Variants in FAM163A observed in about 807,000 individuals in gnomAD.
The protein encoded by FAM163A is family with sequence similarity 163 member A.
Under a neutral mutation model 12.0 loss-of-function variants are expected in FAM163A, and 7 were observed. The ratio of observed to expected loss-of-function variants is 0.58; its 90% CI spans 0.33 to 1.10. FAM163A has a LOEUF of 1.10. Ranked by LOEUF, FAM163A falls within the 50% of genes least tolerant of loss-of-function variation. The pLI is 0.03. For missense variants in FAM163A, 202 were observed against 218.6 expected (o/e 0.92, Z 0.48); for synonymous variants, 101 against 91.0 (o/e 1.11, Z -0.62).
intron 1 of FAM163A, among the ~76,000 whole-genome samples, chr1:179,745,112 A>T (rs2487740): frequency 1.4e-4 from 22 of 151,974 alleles, no homozygotes; most frequent in African/African-American, 5.3e-4. Context: ...TGCCTAAGAG[A>T]ATCTAAACCA....
intron 1 of FAM163A, among the ~76,000 whole-genome samples, chr1:179,803,625 A>T (rs1259621970): frequency 6.6e-6 from 1 of 151,662 alleles, no homozygotes; most frequent in Non-Finnish European, 1.5e-5. Context: ...CTGGAGTGCA[A>T]TGGCGCCATC....
chr1:179,747,182 G>A (rs1035266763), intron 1 of FAM163A, among the ~76,000 whole-genome samples: 13 of 150,128 alleles, frequency 8.7e-5, no homozygotes. Flanking sequence ...AAAAAAAAAA[G>A]GTTTGACATT....
chr1:179,783,908 T>TGGGA (rs1690218113), intron 1 of FAM163A, among the ~76,000 whole-genome samples: 1 of 151,490 alleles, frequency 6.6e-6, no homozygotes, highest in Admixed American at 6.6e-5. Context: ...TATTTCCTGA[T>TGGGA]GGGATACACT....
chr1:179,785,400 A>G (rs1690458175), intron 1 of FAM163A, among the ~76,000 whole-genome samples: 1 of 152,178 alleles, frequency 6.6e-6, no homozygotes, highest in Non-Finnish European at 1.5e-5. Context: ...CTTTGATAAA[A>G]TGAGAGAACA....
At chr1:179,797,034 G>A (rs1692423802) in intron 1 of FAM163A, among the ~76,000 whole-genome samples, 1 of 152,238 alleles carries the variant, frequency 6.6e-6, no homozygotes, top group Non-Finnish European at 1.5e-5. Context: ...AGAAGCTGCA[G>A]TTTAGAATCA....
chr1:179,815,208 G>T lies in FAM163A; in HGVS notation c.*1019G>T, dbSNP rs1451119689. ...CATTCAGGAGCTGCAGAGAGGAAAG[G>T]TCTCCCATGTACCAGAGAAGGAAAA... On this transcript the variant is annotated 3_prime_UTR_variant, in exon 5 of 5. Coordinates refer to ENST00000341785, the MANE Select transcript of FAM163A (RefSeq NM_173509.3). 6.6e-6 allele frequency: 1 copy of T among 152,656 alleles called. No individual in the cohort carries two copies. Among genetic ancestry groups the T allele is most frequent in the Non-Finnish European group, 1.5e-5 (1 of 68,644 alleles). The allele number at this position is 152,656 out of a possible 1,614,324, so 9.5% of individuals were successfully genotyped here. A position where few individuals can be genotyped will look rare whatever the true frequency, so the allele number is the denominator to read the frequency against.
chr1:179,786,203 A>C (rs1690599566), intron 1 of FAM163A, among the ~76,000 whole-genome samples: 1 of 152,224 alleles, frequency 6.6e-6, no homozygotes, highest in Admixed American at 6.5e-5. Flanking sequence ...ACACATCACA[A>C]AAGGCTCCCA....
chr1:179,792,879 A>AATATAT (rs59009302), intron 1 of FAM163A, among the ~76,000 whole-genome samples: 1 of 149,008 alleles, frequency 6.7e-6, no homozygotes, highest in East Asian at 1.9e-4. Context: ...CAGATAATAA[A>AATATAT]ATATATATAT....
chr1:179,769,573 G>A (rs1349605454), intron 1 of FAM163A, among the ~76,000 whole-genome samples: 1 of 152,190 alleles, frequency 6.6e-6, no homozygotes, highest in African/African-American at 2.4e-5. Context: ...TCAATTGTAA[G>A]CTCTGGAAAA....
At chr1:179,748,017 A>G (rs1684744705) in intron 1 of FAM163A, among the ~76,000 whole-genome samples, 2 of 151,982 alleles carry the variant, frequency 1.3e-5, no homozygotes, top group African/African-American at 4.8e-5. Flanking sequence ...TTTGGTCCAG[A>G]CACCAGTGGT....
At chr1:179,799,471 G>A (rs148565003) in intron 1 of FAM163A, among the ~76,000 whole-genome samples, 5 of 152,326 alleles carry the variant, frequency 3.3e-5, no homozygotes, top group African/African-American at 7.2e-5. Context: ...GGCACGTTCC[G>A]TGCATAGCAA....
intron 1 of FAM163A, among the ~76,000 whole-genome samples, chr1:179,743,869 C>A (rs933616453): frequency 6.6e-6 from 1 of 152,122 alleles, no homozygotes; most frequent in African/African-American, 2.4e-5. Flanking sequence ...ACGCGGACGC[C>A]GCTGCTGCTG....
chr1:179,762,878 T>C (rs547948678), intron 1 of FAM163A, among the ~76,000 whole-genome samples: 1 of 152,170 alleles, frequency 6.6e-6, no homozygotes, highest in South Asian at 2.1e-4. Flanking sequence ...GTTCCCAGGG[T>C]AGGGGAGGAA....
At chr1:179,771,353 A>T (rs935574376) in intron 1 of FAM163A, among the ~76,000 whole-genome samples, 1 of 151,982 alleles carries the variant, frequency 6.6e-6, no homozygotes, top group Non-Finnish European at 1.5e-5. Context: ...CATCAGCTTT[A>T]CCTGTCTGAC....
chr1:179,732,345 G>A, the FAM163A span, among the ~76,000 whole-genome samples: 1 of 152,184 alleles, frequency 6.6e-6, no homozygotes, highest in East Asian at 1.9e-4. Flanking sequence ...ATATGGAAAC[G>A]TAGATGCGCT....
chr1:179,796,309 TACAACTC>T, intron 1 of FAM163A, among the ~76,000 whole-genome samples: 1 of 152,166 alleles, frequency 6.6e-6, no homozygotes, highest in South Asian at 2.1e-4. Flanking sequence ...CATTTATAAT[TACAACTC>T]ACAAAAGAAA....
rs559474608 is a variant in FAM163A at position 179,811,461 on chromosome 1, G to A, written c.-44-649G>A. Among the ~76,000 whole-genome samples the A allele has an allele frequency of 5.9e-5, 9 of 152,284 alleles. No individual in the cohort carries two copies. In the South Asian group the frequency reaches 1.5e-3, roughly 25 times the overall value. On this transcript the variant is annotated intron_variant, in intron 2 of 4. Coordinates refer to ENST00000341785, the MANE Select transcript of FAM163A (RefSeq NM_173509.3). ...TCCCATGGGCTTGTCAAACTCTAAT[G>A]TGCAACCTACTCAATTGGGACCTTG...
At chr1:179,809,278 T>G (rs1309744800) in intron 2 of FAM163A, among the ~76,000 whole-genome samples, 1 of 152,092 alleles carries the variant, frequency 6.6e-6, no homozygotes, top group Non-Finnish European at 1.5e-5. Flanking sequence ...TGGGGTCTTT[T>G]CTAGTTCACA....
At chr1:179,807,365 G>T (rs77661410) in intron 1 of FAM163A, among the ~76,000 whole-genome samples, 1 of 152,122 alleles carries the variant, frequency 6.6e-6, no homozygotes, top group Non-Finnish European at 1.5e-5. Context: ...CCGGGAAACC[G>T]TGGGAAAGGG....
Sources: gnomAD v4.1 joint callset for allele counts (sites outside exome capture counted in the v4.1 genomes callset) on GRCh38, gnomAD v4.1.1 for gene constraint, MANE v1.5 for transcripts, NCBI Gene and HGNC (gene_info 2026-07-23, HGNC 2026-07-21) for gene names.